Variants in EMILIN2 observed in about 807,000 individuals in gnomAD.
The protein encoded by EMILIN2 is EMILIN-2.
A neutral mutation model predicts 87.1 loss-of-function variants in EMILIN2; 71 were observed. The observed-to-expected ratio is 0.82, with a 90% CI of 0.67 to 0.99. The LOEUF (loss-of-function observed/expected upper bound fraction) is 0.99, where lower values mean the gene tolerates loss of function less well. Ranked by LOEUF, EMILIN2 falls within the 50% of genes least tolerant of loss-of-function variation. EMILIN2 has a pLI of 0.00. For missense variants in EMILIN2, 1,407 were observed against 1,371.8 expected (o/e 1.03, Z -0.40); for synonymous variants, 581 against 563.4 (o/e 1.03, Z -0.44).
At chr18:2,882,089 G>A (rs2076779701) in intron 2 of EMILIN2, among the ~76,000 whole-genome samples, 1 of 152,174 alleles carries the variant, frequency 6.6e-6, no homozygotes, top group Non-Finnish European at 1.5e-5. Context: ...TGCCCCTTCC[G>A]GGCTGTTTGA....
intron 2 of EMILIN2, among the ~76,000 whole-genome samples, chr18:2,858,585 ATATATATATATATATATGTG>A (rs1568454301): frequency 1.2e-5 from 1 of 83,840 alleles, no homozygotes; most frequent in African/African-American, 8.1e-5. Context: ...GTGTGTGTGT[ATATATATATATATATATGTG>A]TATATATATA....
In EMILIN2 at chr18:2,876,660, G is replaced by A. The variant is rs1323363357; in HGVS notation, c.258-8304G>A. Among the ~76,000 whole-genome samples the A allele has an allele frequency of 6.7e-5, 10 of 149,396 alleles. No individual in the cohort carries two copies. In the Admixed American group the frequency reaches 6.7e-4, roughly 10 times the overall value. On this transcript the variant is annotated intron_variant, in intron 2 of 7. Transcript: ENST00000254528. ...GGGCGCCTGTAGTCCCAGCTACTCG[G>A]GAGGCTGAGGCAGGAGAATGGCGTG...
Position 2,894,922 on chromosome 18 carries a change from G to A in EMILIN2, c.2359+2436G>A, listed in dbSNP as rs189081274. 2.5e-4 allele frequency among the ~76,000 whole-genome samples: 38 copies of A among 152,262 alleles called. 1 individual carries two copies. The Middle Eastern group carries it at 0.01, about 41-fold the overall frequency. On this transcript the variant is annotated intron_variant, in intron 4 of 7. Coordinates refer to ENST00000254528, the MANE Select transcript of EMILIN2 (RefSeq NM_032048.3). This position sits in a 1 kb window ranked among gnomAD's most constrained non-coding sequence, Gnocchi z 5.0. ...TTATTGAGTGCCTACGATGTGCAAG[G>A]CTCTTGGGGGACCTGGAGATAAGTA... is the stretch of plus-strand genomic sequence containing the variant.
At chr18:2,898,859 G>A (rs1304557000) in intron 4 of EMILIN2, among the ~76,000 whole-genome samples, 3 of 152,166 alleles carry the variant, frequency 2.0e-5, no homozygotes, top group South Asian at 4.1e-4. Flanking sequence ...TGGACTTAGA[G>A]TTTTATAAAC....
rs1030172134 is a variant in EMILIN2, at chr18:2,890,726, A to C, written c.599A>C (p.Asp200Ala). 1 of 1,613,906 alleles carries C rather than the reference A, an allele frequency of 6.2e-7. No homozygotes were observed. The highest frequency in any genetic ancestry group is 1.3e-5 in the African/African-American group (1 of 74,864). ...KVLRLTRTVL[D>A]LQSSLAGVSE... The stretch of plus-strand genomic sequence containing the variant: ...CTTCGACTCACAAGGACGGTTCTTG[A>C]CCTCCAGTCTTCCCTTGCTGGAGTG... Residue 200 changes from aspartate (D) to alanine (A), a missense_variant, in exon 4 of 8, where the codon GAC (aspartate) becomes GCC (alanine). Transcript: ENST00000254528. This position sits in a 1 kb window ranked among gnomAD's most constrained non-coding sequence, Gnocchi z 4.7.
At chr18:2,910,607 T>TGA (rs745559501) in intron 7 of EMILIN2, among the ~76,000 whole-genome samples, 29 of 152,250 alleles carry the variant, frequency 1.9e-4, no homozygotes, top group African/African-American at 5.5e-4. Flanking sequence ...GCAGTCACTG[T>TGA]TCTGCTCACG....
chr18:2,901,641 C>T (rs1048235480), intron 4 of EMILIN2, among the ~76,000 whole-genome samples: 1 of 152,222 alleles, frequency 6.6e-6, no homozygotes, highest in African/African-American at 2.4e-5. Flanking sequence ...GGAGTTAAAA[C>T]ACATGAGGAG....
chr18:2,888,999 A>C (rs1478603774), intron 3 of EMILIN2, among the ~76,000 whole-genome samples: 1 of 152,080 alleles, frequency 6.6e-6, no homozygotes, highest in Non-Finnish European at 1.5e-5. Flanking sequence ...CATTTTATTT[A>C]ATTGCAACCT....
At chr18:2,912,892 G>A (rs1261976481) in intron 7 of EMILIN2, among the ~76,000 whole-genome samples, 175 bp from the exon 8 acceptor site, 3 of 152,160 alleles carry the variant, frequency 2.0e-5, no homozygotes, top group Admixed American at 6.5e-5. Flanking sequence ...TCTGCATCAC[G>A]GGTAGGCTGT....
chr18:2,892,695 T>C (rs2076845032), intron 4 of EMILIN2, among the ~76,000 whole-genome samples: 1 of 151,888 alleles, frequency 6.6e-6, no homozygotes, highest in Non-Finnish European at 1.5e-5. Flanking sequence ...GCCTGAATTA[T>C]CTGGTGCTGA....
rs1382178915 is a variant in EMILIN2 at position 2,906,993 on chromosome 18, C to T, written c.2570C>T (p.Ala857Val). 5 of 1,375,320 alleles carry T rather than the reference C, an allele frequency of 3.6e-6. No individual in the cohort carries two copies. The highest frequency in any genetic ancestry group is 3.0e-5 in the African/African-American group (2 of 66,416). The allele number at this position is 1,375,320 out of a possible 1,614,324, so 85.2% of individuals were successfully genotyped here. ...ETGQAGPPAG[A>V]GVSGRGLPRG... ...GGCCAGGCCGGGCCCCCCGCAGGCG[C>T]AGGCGTGTCTGGGCGGGGTCTGCCG... Residue 857 changes from alanine (A) to valine (V), a missense_variant, in exon 5 of 8, where the codon GCA (alanine) becomes GTA (valine). Ala to Val is a moderately conservative substitution (Grantham distance 64). Transcript: ENST00000254528.
chr18:2,888,669 A>G (rs778214850), intron 3 of EMILIN2, among the ~76,000 whole-genome samples: 3 of 150,226 alleles, frequency 2.0e-5, no homozygotes, highest in African/African-American at 4.9e-5. Context: ...GAGCCGAGAT[A>G]GCACCACTGC....
intron 2 of EMILIN2, among the ~76,000 whole-genome samples, chr18:2,869,768 CTGTG>C (rs137882349): frequency 6.9e-6 from 1 of 143,916 alleles, no homozygotes; most frequent in Non-Finnish European, 1.5e-5. Context: ...ATAGATTCCT[CTGTG>C]TGTGTGTGTG....
chr18:2,913,475 G>C lies in EMILIN2; in HGVS notation c.*71G>C. 1 of 1,280,374 alleles carries C rather than the reference G, an allele frequency of 7.8e-7. No homozygotes were observed. The highest frequency in any genetic ancestry group is 1.1e-6 in the Non-Finnish European group (1 of 931,690). The allele number at this position is 1,280,374 out of a possible 1,614,324, so 79.3% of individuals were successfully genotyped here. A position where few individuals can be genotyped will look rare whatever the true frequency, so the allele number is the denominator to read the frequency against. On this transcript the variant is annotated 3_prime_UTR_variant, in exon 8 of 8. Transcript: ENST00000254528. ...TCTAAAGCTTTAATATATTCGGTTT[G>C]TATGTAATGGAAGCACGGGGCTAGA...
At chr18:2,910,754 CCT>C (rs1041438926) in intron 7 of EMILIN2, among the ~76,000 whole-genome samples, 3 of 152,218 alleles carry the variant, frequency 2.0e-5, no homozygotes, top group African/African-American at 7.2e-5. Context: ...TCACGTTTGC[CCT>C]GTCTAGTCAC....
At chr18:2,902,865 GTGAAACAGGACTC>G (rs1350779294) in intron 4 of EMILIN2, among the ~76,000 whole-genome samples, 1 of 152,132 alleles carries the variant, frequency 6.6e-6, no homozygotes, top group Non-Finnish European at 1.5e-5. Context: ...AGAAGGAAGA[GTGAAACAGGACTC>G]TGTGCCTGGA....
At chr18:2,876,874 G>A (rs2076751842) in intron 2 of EMILIN2, among the ~76,000 whole-genome samples, 2 of 152,190 alleles carry the variant, frequency 1.3e-5, no homozygotes, top group South Asian at 4.1e-4. Context: ...AAATATATTT[G>A]CCCGAGCATT....
At chr18:2,899,182 T>TA (rs1411829384) in intron 4 of EMILIN2, among the ~76,000 whole-genome samples, 4 of 151,814 alleles carry the variant, frequency 2.6e-5, no homozygotes, top group Admixed American at 6.6e-5. Flanking sequence ...AATTTATAAC[T>TA]AAAAAAAACC....
At chr18:2,879,999 G>A (rs1332386434) in intron 2 of EMILIN2, among the ~76,000 whole-genome samples, 1 of 152,152 alleles carries the variant, frequency 6.6e-6, no homozygotes, top group African/African-American at 2.4e-5. Context: ...GAGCCACTGT[G>A]CCCAGCCTAG....
Sources: gnomAD v4.1 joint callset for allele counts (sites outside exome capture counted in the v4.1 genomes callset) on GRCh38, gnomAD v4.1.1 for gene constraint, Gnocchi (gnomAD v3.1) non-coding constraint, MANE v1.5 for transcripts, NCBI Gene and HGNC (gene_info 2026-07-23, HGNC 2026-07-21) for gene names.